Variants in SPPL3 observed in about 807,000 individuals in gnomAD.
SPPL3 encodes signal peptide peptidase-like 3.
In SPPL3, 5 loss-of-function variants were observed where a neutral mutation model predicts 42.4. The ratio of observed to expected loss-of-function variants is 0.12; its 90% CI spans 0.06 to 0.25. The LOEUF is 0.25. Among genes scored for constraint, SPPL3 ranks in the 10% least tolerant of loss-of-function variants. SPPL3 has a pLI of 1.00. For synonymous variants in SPPL3, 195 were observed against 181.8 expected (o/e 1.07, Z -0.58); for missense variants, 235 against 489.0 (o/e 0.48, Z 4.90).
At chr12:120,869,751 G>A (rs1420326676) in intron 1 of SPPL3, among the ~76,000 whole-genome samples, 1 of 152,142 alleles carries the variant, frequency 6.6e-6, no homozygotes, top group Non-Finnish European at 1.5e-5. Context: ...CAACAGAAAA[G>A]TAGTTATGAA....
intron 1 of SPPL3, among the ~76,000 whole-genome samples, chr12:120,875,445 T>C (rs569178953): frequency 3.9e-5 from 6 of 151,982 alleles, no homozygotes; most frequent in Admixed American, 2.0e-4. Flanking sequence ...CTGGCCAACA[T>C]GGTGAAACCC....
chr12:120,808,441 T>C (rs1471839480), intron 2 of SPPL3, among the ~76,000 whole-genome samples: 1 of 152,222 alleles, frequency 6.6e-6, no homozygotes, highest in Non-Finnish European at 1.5e-5. Flanking sequence ...AATTCTATGA[T>C]ACACTTATTA....
chr12:120,853,213 A>C (rs1376591753), intron 1 of SPPL3, among the ~76,000 whole-genome samples: 1 of 152,182 alleles, frequency 6.6e-6, no homozygotes, highest in Non-Finnish European at 1.5e-5. Flanking sequence ...TATATTCTTT[A>C]CCATCATCTT....
At chr12:120,768,245 A>G in intron 8 of SPPL3, 80 bp downstream of exon 8, 1 of 1,478,018 alleles carries the variant, frequency 6.8e-7, no homozygotes, top group Non-Finnish European at 9.1e-7. Context: ...CAGAATGCTG[A>G]TGACATTAGA....
At chr12:120,869,789 T>G (rs1022307315) in intron 1 of SPPL3, among the ~76,000 whole-genome samples, 16 of 152,210 alleles carry the variant, frequency 1.1e-4, no homozygotes, top group Non-Finnish European at 2.9e-5. Flanking sequence ...CTAAGCATAC[T>G]ACAAATATAT....
chr12:120,810,672 A>T lies in SPPL3; in HGVS notation c.101+137T>A. 1.8e-5 allele frequency: 12 copies of T among 684,782 alleles called. 1 individual carries two copies. The highest frequency in any genetic ancestry group is 2.6e-5 in the Non-Finnish European group (10 of 384,608). The allele number at this position is 684,782 out of a possible 1,614,324, so 42.4% of individuals were successfully genotyped here. On this transcript the variant is annotated intron_variant, in intron 2 of 10. Coordinates refer to ENST00000353487, the MANE Select transcript of SPPL3 (RefSeq NM_139015.5). The stretch of plus-strand genomic sequence containing the variant: ...AGCAGCCAATTAAAGAACAAATAGC[A>T]GAACTCTCTATTCTGAGTCAAATCC...
At chr12:120,777,941 G>GTATAGTC (rs1308606392) in intron 6 of SPPL3, among the ~76,000 whole-genome samples, 4 of 152,086 alleles carry the variant, frequency 2.6e-5, no homozygotes, top group African/African-American at 9.7e-5. Flanking sequence ...TCAAAGGTCT[G>GTATAGTC]TATAGTCTAG....
At chr12:120,803,979 T>C (rs1215192113) in intron 2 of SPPL3, among the ~76,000 whole-genome samples, 1 of 152,192 alleles carries the variant, frequency 6.6e-6, no homozygotes, top group African/African-American at 2.4e-5. Context: ...CTAACTACAA[T>C]TATATGCACT....
chr12:120,787,608 A>G (rs1002460450), intron 3 of SPPL3, among the ~76,000 whole-genome samples: 1 of 152,204 alleles, frequency 6.6e-6, no homozygotes, highest in Admixed American at 6.5e-5. Flanking sequence ...ACTCAAGTCA[A>G]GAAACAAACC....
At chr12:120,815,340 T>C (rs980430891) in intron 1 of SPPL3, among the ~76,000 whole-genome samples, 2 of 152,226 alleles carry the variant, frequency 1.3e-5, no homozygotes, top group Non-Finnish European at 2.9e-5. Flanking sequence ...AGTATGGTTT[T>C]TATTTGCATT....
At chr12:120,860,815 T>C (rs1301593871) in intron 1 of SPPL3, among the ~76,000 whole-genome samples, 2 of 152,198 alleles carry the variant, frequency 1.3e-5, no homozygotes, top group Non-Finnish European at 1.5e-5. Context: ...GTAAGTAATA[T>C]GGTCTCTGTG....
intron 1 of SPPL3, among the ~76,000 whole-genome samples, chr12:120,889,375 G>A (rs375331398): frequency 4.6e-5 from 7 of 152,314 alleles, no homozygotes; most frequent in East Asian, 3.9e-4. Flanking sequence ...ACTAATGGGC[G>A]TAAGATTTAT....
At chr12:120,816,293 T>C (rs1870873336) in intron 1 of SPPL3, among the ~76,000 whole-genome samples, 1 of 152,210 alleles carries the variant, frequency 6.6e-6, no homozygotes. Flanking sequence ...AACTTAAGTT[T>C]TGTTTTAGCT....
chr12:120,807,998 A>G (rs1870556869), intron 2 of SPPL3, among the ~76,000 whole-genome samples: 1 of 152,042 alleles, frequency 6.6e-6, no homozygotes, highest in African/African-American at 2.4e-5. Context: ...AACTGTTTCA[A>G]TCCAGACTTT....
At chr12:120,782,545 A>G in intron 6 of SPPL3, 110 bp downstream of exon 6, 1 of 828,242 alleles carries the variant, frequency 1.2e-6, no homozygotes, top group Non-Finnish European at 1.9e-6. Flanking sequence ...GGGTGTGAAA[A>G]TGCTCTAAAA....
At chr12:120,788,719 C>T (rs1014476042) in intron 3 of SPPL3, among the ~76,000 whole-genome samples, 1 of 152,222 alleles carries the variant, frequency 6.6e-6, no homozygotes, top group African/African-American at 2.4e-5. Context: ...CAGCTACAAT[C>T]TTTTAAAAAC....
rs573049820 is a variant in SPPL3, at chr12:120,879,710, T to C, written c.23+24135A>G. Among the ~76,000 whole-genome samples, 46 of 152,238 alleles carry C rather than the reference T, an allele frequency of 3.0e-4. 1 individual carries two copies. The highest frequency in any genetic ancestry group is 1.1e-3 in the African/African-American group (44 of 41,484). ...AAAATACCTGTGTTCAAATGCTACA[T>C]GTGCCACTCATTAACTATAAAATCT... On this transcript the variant is annotated intron_variant, in intron 1 of 10. Transcript: ENST00000353487.
chr12:120,764,791 T>A lies in SPPL3; in HGVS notation c.*208A>T. 1 of 554,616 alleles carries A rather than the reference T, an allele frequency of 1.8e-6. No individual in the cohort carries two copies. The highest frequency in any genetic ancestry group is 3.1e-6 in the Non-Finnish European group (1 of 325,394). The allele number at this position is 554,616 out of a possible 1,614,324, so 34.4% of individuals were successfully genotyped here. On this transcript the variant is annotated 3_prime_UTR_variant, in exon 11 of 11. Transcript: ENST00000353487. ...TGTCCCTCTTGGAAGGGGCCCCACC[T>A]CTACATCCGCAGGAAGAGAAGGAAC...
intron 6 of SPPL3, among the ~76,000 whole-genome samples, chr12:120,772,259 T>G (rs1003376980): frequency 1.3e-5 from 2 of 152,170 alleles, no homozygotes; most frequent in Non-Finnish European, 2.9e-5. Context: ...TGACCTCAGG[T>G]GATCCACCCA....
Sources: gnomAD v4.1 joint callset for allele counts (sites outside exome capture counted in the v4.1 genomes callset) on GRCh38, gnomAD v4.1.1 for gene constraint, MANE v1.5 for transcripts, NCBI Gene and HGNC (gene_info 2026-07-23, HGNC 2026-07-21) for gene names.